The following GNB5 variants were observed in gnomAD, a reference collection of about 807,000 sequenced individuals.
The protein encoded by GNB5 is G protein subunit beta 5, also known as guanine nucleotide-binding protein subunit beta-5.
Under a neutral mutation model 55.3 loss-of-function variants are expected in GNB5, and 37 were observed. The ratio of observed to expected loss-of-function variants is 0.67; its 90% CI spans 0.51 to 0.88. GNB5 has a LOEUF of 0.88. Among genes scored for constraint, GNB5 ranks in the 40% least tolerant of loss-of-function variants. GNB5 has a pLI of 0.00. For synonymous variants in GNB5, 219 were observed against 198.5 expected (o/e 1.10, Z -0.87); for missense variants, 476 against 515.3 (o/e 0.92, Z 0.74).
intron 3 of GNB5, among the ~76,000 whole-genome samples, chr15:52,173,107 G>A (rs1458116726): frequency 6.6e-6 from 1 of 152,052 alleles, no homozygotes; most frequent in East Asian, 1.9e-4. Flanking sequence ...CTGCTGCCAA[G>A]GTACTTACAT....
chr15:52,154,180 G>T (rs1368737071), intron 3 of GNB5, 104 bp from the exon 4 acceptor site: 3 of 1,030,200 alleles, frequency 2.9e-6, no homozygotes, highest in African/African-American at 3.2e-5. Flanking sequence ...GCGGCCCCAT[G>T]GGCTTCCTCC....
At chr15:52,174,810 G>A (rs547859695) in intron 3 of GNB5, among the ~76,000 whole-genome samples, 3 of 152,120 alleles carry the variant, frequency 2.0e-5, no homozygotes, top group South Asian at 4.1e-4. Flanking sequence ...GGCTAGGCAC[G>A]GTGGCACACG....
chr15:52,140,013 G>A, intron 7 of GNB5: 2 of 1,164,898 alleles, frequency 1.7e-6, no homozygotes, highest in Non-Finnish European at 2.2e-6. Context: ...CCAGTCAGTG[G>A]CCACAGCGCC....
Position 52,141,224 on chromosome 15 carries a change from A to T in GNB5, c.543T>A (p.Asn181Lys). The T allele has an allele frequency of 6.2e-7, 1 of 1,613,942 alleles. No individual in the cohort carries two copies. Among genetic ancestry groups the T allele is most frequent in the Non-Finnish European group, 8.5e-7 (1 of 1,179,858 alleles). The change falls in exon 7 of 13, where the codon AAT becomes AAA. Residue 181 changes from asparagine to lysine, a missense_variant. Transcript: ENST00000261837. ...CSVYPLTFDKNENMAAKKKSV... is the reference protein window; with the variant it reads ...CSVYPLTFDKKENMAAKKKSV... ...ACTTCTTTTTGGCAGCCATGTTTTC[A>T]TTTTTGTCAAACGTCAAGGGGTACA...
At chr15:52,126,188 A>G (rs2033423825) in intron 10 of GNB5, 144 bp from the exon 11 acceptor site, 1 of 585,244 alleles carries the variant, frequency 1.7e-6, no homozygotes, top group Middle Eastern at 4.0e-4. Context: ...CTGTTATTTC[A>G]TCCTTTAGTC....
rs772910761 is a variant in GNB5, at chr15:52,117,089, A to AATATATATATATATAT, written c.*5667_*5668insATATATATATATATAT. 6 of 85,474 alleles carry AATATATATATATATAT rather than the reference A, an allele frequency of 7.0e-5. No individual in the cohort carries two copies. The highest frequency in any genetic ancestry group is 2.0e-5 in the Non-Finnish European group (1 of 49,696). 5.3% of individuals were successfully genotyped at this position (85,474 alleles called of 1,614,324 possible). On this transcript the variant is annotated 3_prime_UTR_variant, in exon 13 of 13. Coordinates refer to ENST00000261837, the MANE Select transcript of GNB5 (RefSeq NM_016194.4). ...CAGGCACCTGCCACCACGCCCAGCT[A>AATATATATATATATAT]ATATATATATATATTTTTTTTTAGT...
Position 52,175,183 on chromosome 15 carries a change from AC to A in GNB5, c.238+4584del, listed in dbSNP as rs147301467. On this transcript the variant is annotated intron_variant, in intron 3 of 12. Transcript: ENST00000261837. ...GGTCTCCCTGACTAGGGCAGAGGCT[AC>A]TGGGCCACCTATATAGCAACACTAA... is the stretch of plus-strand genomic sequence containing the variant. Among the ~76,000 whole-genome samples, 1,033 of 152,304 alleles carry A rather than the reference AC, an allele frequency of 6.8e-3. 11 individuals are homozygous for A. Among genetic ancestry groups the A allele is most frequent in the African/African-American group, 0.024 (1,001 of 41,554 alleles).
At chr15:52,127,019 A>T (rs570998118) in intron 10 of GNB5, among the ~76,000 whole-genome samples, 1 of 151,946 alleles carries the variant, frequency 6.6e-6, no homozygotes, top group East Asian at 1.9e-4. Flanking sequence ...CTGGTCTTGA[A>T]CTCCTGACCT....
intron 1 of GNB5, 30 bp downstream of exon 1, chr15:52,191,292 T>G (rs528957081): frequency 6.5e-4 from 99 of 152,210 alleles, no homozygotes; most frequent in African/African-American, 2.2e-3. Context: ...AAAGCTGGAG[T>G]ATTTTAACCG....
At chr15:52,138,612 T>C (rs2033782991) in intron 7 of GNB5, 2 of 152,164 alleles carry the variant, frequency 1.3e-5, no homozygotes, top group African/African-American at 4.8e-5. Context: ...ATTTGGGTAC[T>C]CATATTTTGT....
chr15:52,141,388 C>T lies in GNB5; in HGVS notation c.495-116G>A, dbSNP rs555350021. 3.6e-5 allele frequency: 27 copies of T among 748,742 alleles called. No homozygotes were observed. The African/African-American group carries it at 3.8e-4, about 11-fold the overall frequency. The allele number at this position is 748,742 out of a possible 1,614,324, so 46.4% of individuals were successfully genotyped here. ...CTCTTTAGCAGTATCATATATTGTA[C>T]CCTTTCCTCCAACTTTTACTTTGAA... On this transcript the variant is annotated intron_variant, in intron 6 of 12. Transcript: ENST00000261837.
At chr15:52,181,114 C>G (rs2034761510) in intron 2 of GNB5, 1 of 152,240 alleles carries the variant, frequency 6.6e-6, no homozygotes, top group South Asian at 2.1e-4. Context: ...ATCTTGGGTG[C>G]TGTCCCCACC....
At chr15:52,124,318 C>A (rs1489893417) in intron 12 of GNB5, among the ~76,000 whole-genome samples, 155 bp downstream of exon 12, 1 of 152,260 alleles carries the variant, frequency 6.6e-6, no homozygotes, top group African/African-American at 2.4e-5. Context: ...GCAACCCATT[C>A]CCTCTGTGGC....
chr15:52,145,713 T>C (rs1161982506), intron 6 of GNB5, among the ~76,000 whole-genome samples: 1 of 152,050 alleles, frequency 6.6e-6, no homozygotes, highest in Non-Finnish European at 1.5e-5. Flanking sequence ...TCTTGGCCAC[T>C]GGAAGGAGAG....
intron 4 of GNB5, among the ~76,000 whole-genome samples, chr15:52,152,400 T>G (rs1357662657): frequency 2.0e-5 from 3 of 151,904 alleles, no homozygotes. Context: ...CTCAGCTCAC[T>G]GCAACCTCCG....
rs567470138 is a variant in GNB5 at position 52,136,655 on chromosome 15, T to A, written c.628-899A>T. 2.0e-5 allele frequency among the ~76,000 whole-genome samples: 3 copies of A among 152,260 alleles called. No homozygotes were observed. The South Asian group carries it at 6.2e-4, about 32-fold the overall frequency. Reference sequence around the variant, plus strand: ...GAGGCTTCCCAGGACCACTGACGGGTGCCAGAGGATATTCACGCATACACA... The same window carrying A: ...GAGGCTTCCCAGGACCACTGACGGGAGCCAGAGGATATTCACGCATACACA... On this transcript the variant is annotated intron_variant, in intron 7 of 12. Coordinates refer to ENST00000261837, the MANE Select transcript of GNB5 (RefSeq NM_016194.4).
rs1233238483 is a variant in GNB5, at chr15:52,119,710, T to C, written c.*3047A>G. On this transcript the variant is annotated 3_prime_UTR_variant, in exon 13 of 13. Transcript: ENST00000261837. ...ACTGAGGCTGAGAAAAACTCAGATA[T>C]TATCATATATTCTGTGACCGTGACA... 6.6e-6 allele frequency: 1 copy of C among 152,000 alleles called. No individual in the cohort carries two copies. The highest frequency in any genetic ancestry group is 2.4e-5 in the African/African-American group (1 of 41,330). 9.4% of individuals were successfully genotyped at this position (152,000 alleles called of 1,614,324 possible). A position where few individuals can be genotyped will look rare whatever the true frequency, so the allele number is the denominator to read the frequency against.
chr15:52,132,488 G>GTT (rs75509196), intron 9 of GNB5, among the ~76,000 whole-genome samples: 1,940 of 134,034 alleles, frequency 0.014, 36 homozygotes, highest in African/African-American at 0.038. Context: ...GTTTGTTTGG[G>GTT]TTTTTTTTTT....
rs752866398 is a variant in GNB5 at position 52,185,528 on chromosome 15, G to A, written c.-18-834C>T. ...GCGGGAACAGTGGCTGCCTTGGGAA[G>A]GAGGGACATGGGTAGGGGCAGGGTG... On this transcript the variant is annotated intron_variant, in intron 1 of 12. Transcript: ENST00000261837. Among the ~76,000 whole-genome samples, 86 of 152,298 alleles carry A rather than the reference G, an allele frequency of 5.6e-4. No individual in the cohort carries two copies. In the Middle Eastern group the frequency reaches 0.014, roughly 24 times the overall value.
Sources: allele counts gnomAD v4.1 joint callset (sites outside exome capture counted in the v4.1 genomes callset), GRCh38; gene constraint gnomAD v4.1.1; transcripts MANE v1.5; gene names NCBI Gene and HGNC (gene_info 2026-07-23, HGNC 2026-07-21).